The following TBCD variants were observed in gnomAD, a reference collection of about 807,000 sequenced individuals.
TBCD encodes the protein tubulin-specific chaperone D.
TBCD carries 105 observed loss-of-function variants against 169.3 expected under a neutral mutation model. The observed-to-expected ratio is 0.62, with a 90% confidence interval of 0.53 to 0.73. The LOEUF is 0.73. Among genes scored for constraint, TBCD ranks in the 30% least tolerant of loss-of-function variants. The pLI is 0.00. For synonymous variants in TBCD, 700 were observed against 643.9 expected (o/e 1.09, Z -1.32); for missense variants, 1,444 against 1,600.1 (o/e 0.90, Z 1.66).
chr17:82,779,832 G>T (rs2048830125), intron 6 of TBCD, among the ~76,000 whole-genome samples: 1 of 152,154 alleles, frequency 6.6e-6, no homozygotes, highest in African/African-American at 2.4e-5. Context: ...GTCTCACCTT[G>T]CCTGGGGTCT....
intron 18 of TBCD, among the ~76,000 whole-genome samples, chr17:82,902,757 A>G (rs1171019620): frequency 1.3e-5 from 2 of 152,146 alleles, no homozygotes; most frequent in African/African-American, 4.8e-5. Flanking sequence ...TTGTTGTTAC[A>G]TGGTCGCCCT....
intron 22 of TBCD, 124 bp from the exon 23 acceptor site, chr17:82,911,634 A>C: frequency 1.1e-6 from 1 of 949,408 alleles, no homozygotes; most frequent in Non-Finnish European, 1.6e-6. Context: ...CATGCTCAGT[A>C]ACACATTCAA....
chr17:82,770,429 G>T (rs1296333765), intron 5 of TBCD, among the ~76,000 whole-genome samples: 1 of 151,738 alleles, frequency 6.6e-6, no homozygotes, highest in Non-Finnish European at 1.5e-5. Flanking sequence ...GAGAAACCTT[G>T]TCTCTACTAA....
At position 82,930,352 on chromosome 17, in the gene TBCD, G is replaced by C. The variant is rs1326394240; in HGVS notation, c.2992-170G>C. 5.4e-6 allele frequency: 5 copies of C among 917,664 alleles called. No homozygotes were observed. The highest frequency in any genetic ancestry group is 7.9e-6 in the Non-Finnish European group (5 of 629,988). The allele number at this position is 917,664 out of a possible 1,614,324, so 56.8% of individuals were successfully genotyped here. A position where few individuals can be genotyped will look rare whatever the true frequency, so the allele number is the denominator to read the frequency against. ...TGTGTCTGCTTCGGGTGTCTGCACT[G>C]TGAGTGGCTCCGTGCTGGCGTCCGC... is the stretch of plus-strand genomic sequence containing the variant. On this transcript the variant is annotated intron_variant, in intron 32 of 38. Transcript: ENST00000355528. This position sits in a 1 kb window ranked among gnomAD's most constrained non-coding sequence, Gnocchi z 5.2.
At position 82,941,387 on chromosome 17, in the gene TBCD, C is replaced by G. The variant is rs1303676385; in HGVS notation, c.3480-12C>G. On this transcript the variant is annotated splice_polypyrimidine_tract_variant and intron_variant, in intron 37 of 38. Coordinates refer to ENST00000355528, the MANE Select transcript of TBCD (RefSeq NM_005993.5). Reference sequence around the variant, plus strand: ...GCACTCGAGAGACTCACGGCTCTCCCTCTCCTCACAGGGACGCGGAGCTTG... The same window carrying G: ...GCACTCGAGAGACTCACGGCTCTCCGTCTCCTCACAGGGACGCGGAGCTTG... The G allele has an allele frequency of 6.3e-7, 1 of 1,579,708 alleles. No homozygotes were observed. Among genetic ancestry groups the G allele is most frequent in the Non-Finnish European group, 8.6e-7 (1 of 1,168,386 alleles).
At position 82,789,775 on chromosome 17, in the gene TBCD, C is replaced by T. The variant is rs1408790393; in HGVS notation, c.772-7982C>T. On this transcript the variant is annotated intron_variant, in intron 7 of 38. Transcript: ENST00000355528. The surrounding 1 kb of genome is among the most constrained non-coding windows in gnomAD (Gnocchi z 4.8). ...CTGATTTCTGTCCTTGGTTCTCGAG[C>T]CCTCCTTCTGTGGACCCGTTGGGTA... Among the ~76,000 whole-genome samples the T allele has an allele frequency of 6.6e-6, 1 of 152,236 alleles. No individual in the cohort carries two copies. Among genetic ancestry groups the T allele is most frequent in the Non-Finnish European group, 1.5e-5 (1 of 68,034 alleles).
At chr17:82,800,564 C>A (rs1162305850) in intron 8 of TBCD, among the ~76,000 whole-genome samples, 1 of 151,988 alleles carries the variant, frequency 6.6e-6, no homozygotes, top group Non-Finnish European at 1.5e-5. Context: ...TGTGGGGTCT[C>A]CGTGGCTGCA....
intron 23 of TBCD, among the ~76,000 whole-genome samples, chr17:82,917,112 C>A (rs570751504): frequency 6.6e-6 from 1 of 150,982 alleles, no homozygotes; most frequent in Admixed American, 6.6e-5. Context: ...CTCCGCCTCC[C>A]GGGATTAAGC....
At chr17:82,859,867 G>A in intron 13 of TBCD, 1 of 985,428 alleles carries the variant, frequency 1.0e-6, no homozygotes, top group Non-Finnish European at 1.2e-6. Flanking sequence ...AAACCCTTGA[G>A]ATAACTGGGT....
At chr17:82,850,130 G>GC (rs1253133794) in intron 13 of TBCD, among the ~76,000 whole-genome samples, 3 of 88,010 alleles carry the variant, frequency 3.4e-5, no homozygotes, top group Non-Finnish European at 6.8e-5. Flanking sequence ...TGGCTGTGTT[G>GC]TTGTTGGCTG....
intron 12 of TBCD, among the ~76,000 whole-genome samples, chr17:82,811,834 G>A (rs1427509604): frequency 6.6e-6 from 1 of 152,224 alleles, no homozygotes; most frequent in African/African-American, 2.4e-5. Context: ...TCCCTGGGAC[G>A]TGTGGTAAGC....
At chr17:82,798,256 C>T (rs1183045265) in intron 8 of TBCD, among the ~76,000 whole-genome samples, 4 of 149,616 alleles carry the variant, frequency 2.7e-5, no homozygotes, top group African/African-American at 9.8e-5. Flanking sequence ...ACGCCATTCT[C>T]CTGCATCAAC....
chr17:82,885,857 A>G (rs1320398883), intron 15 of TBCD, among the ~76,000 whole-genome samples: 1 of 152,212 alleles, frequency 6.6e-6, no homozygotes, highest in Admixed American at 6.5e-5. Context: ...CAAAATTAAA[A>G]CAGCCAAAGG....
chr17:82,920,676 G>C lies in TBCD; in HGVS notation c.2101+58G>C. 2 of 1,419,408 alleles carry C rather than the reference G, an allele frequency of 1.4e-6. No individual in the cohort carries two copies. The highest frequency in any genetic ancestry group is 1.3e-5 in the South Asian group (1 of 77,722). 87.9% of individuals were successfully genotyped at this position (1,419,408 alleles called of 1,614,324 possible). On this transcript the variant is annotated intron_variant, in intron 24 of 38. Coordinates refer to ENST00000355528, the MANE Select transcript of TBCD (RefSeq NM_005993.5). The surrounding 1 kb of genome is among the most constrained non-coding windows in gnomAD (Gnocchi z 4.1). The stretch of plus-strand genomic sequence containing the variant: ...CTTACAGAATGACTTCAGATTAAAA[G>C]GTAAAAATGAACCTGTTAGGATGGG...
chr17:82,909,388 T>C, intron 22 of TBCD, 81 bp downstream of exon 22: 1 of 1,195,956 alleles, frequency 8.4e-7, no homozygotes, highest in Non-Finnish European at 1.2e-6. Context: ...GGCGGGTGTG[T>C]TCGCTTCCCT....
rs1460263881 is a variant in TBCD at position 82,927,835 on chromosome 17, G to A, written c.2610-70G>A. 23 of 1,386,180 alleles carry A rather than the reference G, an allele frequency of 1.7e-5. No homozygotes were observed. In the South Asian group the frequency reaches 2.0e-4, roughly 12 times the overall value. 85.9% of individuals were successfully genotyped at this position (1,386,180 alleles called of 1,614,324 possible). A position where few individuals can be genotyped will look rare whatever the true frequency, so the allele number is the denominator to read the frequency against. ...TGTCGAATTCACACAGGCTGCCGGC[G>A]TGGTGGGCAGAACCAGGGTTGGAAC... On this transcript the variant is annotated intron_variant, in intron 29 of 38. Coordinates refer to ENST00000355528, the MANE Select transcript of TBCD (RefSeq NM_005993.5).
intron 11 of TBCD, among the ~76,000 whole-genome samples, chr17:82,808,335 T>A (rs577055765): frequency 2.8e-5 from 4 of 141,294 alleles, no homozygotes; most frequent in Non-Finnish European, 6.1e-5. Flanking sequence ...GGGAGGTACC[T>A]TCTGTGGAGG....
At chr17:82,838,134 A>T (rs561646151) in intron 13 of TBCD, among the ~76,000 whole-genome samples, 80 of 152,354 alleles carry the variant, frequency 5.3e-4, no homozygotes, top group Admixed American at 9.8e-4. Context: ...AGCTGCCCAC[A>T]CAGACAGTGC....
chr17:82,811,678 C>T (rs537649843), intron 12 of TBCD, among the ~76,000 whole-genome samples: 7 of 152,116 alleles, frequency 4.6e-5, no homozygotes, highest in South Asian at 4.2e-4. Context: ...CTTTCCCTTT[C>T]GCTGGGTGCT....
Sources: allele counts gnomAD v4.1 joint callset (sites outside exome capture counted in the v4.1 genomes callset), GRCh38; gene constraint gnomAD v4.1.1; non-coding constraint Gnocchi (gnomAD v3.1); transcripts MANE v1.5; gene names NCBI Gene and HGNC (gene_info 2026-07-23, HGNC 2026-07-21).